Variants in CCDC3 observed in about 807,000 individuals in gnomAD.
CCDC3 encodes the protein coiled-coil domain containing 3.
Under a neutral mutation model 21.4 loss-of-function variants are expected in CCDC3, and 24 were observed. The observed-to-expected ratio is 1.12, with a 90% CI of 0.81 to 1.58. The LOEUF (loss-of-function observed/expected upper bound fraction) is 1.58, where lower values mean the gene tolerates loss of function less well. Ranked by LOEUF, CCDC3 falls within the 40% of genes most tolerant of loss-of-function variation. The probability of loss-of-function intolerance (pLI) is 0.00; values close to 1 mark genes in which losing one functional copy is unlikely to be tolerated. For missense variants in CCDC3, 425 were observed against 360.9 expected, an observed-to-expected ratio of 1.18 and a Z score of -1.44; for synonymous variants, 186 against 166.0, an observed-to-expected ratio of 1.12 and a Z score of -0.93.
upstream of CCDC3, chr10:13,001,728 C>T (rs1331591718): frequency 3.5e-5 from 14 of 395,306 alleles, no homozygotes; most frequent in Non-Finnish European, 1.4e-5. Flanking sequence ...GGCCCTGGCG[C>T]GCCACGCTTT....
intron 5 of CCDC3, among the ~76,000 whole-genome samples, chr10:13,036,675 G>A (rs1589047055): frequency 1.3e-5 from 2 of 151,656 alleles, no homozygotes; most frequent in African/African-American, 4.8e-5. Context: ...AGTAGAGATG[G>A]GGTTTCACCA....
intron 4 of CCDC3, chr10:13,073,789 A>G (rs1169723869): frequency 6.6e-6 from 1 of 152,060 alleles, no homozygotes; most frequent in East Asian, 1.9e-4. Context: ...GGCCTGCCCA[A>G]GACATTTTTT....
chr10:12,931,208 CAAAAAAAAAA>C (rs67541166), intron 2 of CCDC3, among the ~76,000 whole-genome samples: 12 of 75,054 alleles, frequency 1.6e-4, no homozygotes, highest in East Asian at 1.2e-3. Context: ...AAGACTCTGT[CAAAAAAAAAA>C]AAAAAAAAAA....
chr10:12,981,375 G>C (rs1835495062), intron 2 of CCDC3, among the ~76,000 whole-genome samples: 1 of 151,890 alleles, frequency 6.6e-6, no homozygotes, highest in Admixed American at 6.6e-5. Flanking sequence ...AGTGGAGACA[G>C]TGTTTCACCA....
At chr10:12,987,093 C>T (rs186748995) in intron 2 of CCDC3, among the ~76,000 whole-genome samples, 323 of 152,274 alleles carry the variant, frequency 2.1e-3, no homozygotes, top group African/African-American at 7.4e-3. Flanking sequence ...TGGTATGCAG[C>T]CCTGTCCTCT....
chr10:12,922,494 C>T (rs1425408410), intron 2 of CCDC3, among the ~76,000 whole-genome samples: 5 of 152,310 alleles, frequency 3.3e-5, no homozygotes, highest in Non-Finnish European at 5.9e-5. Context: ...GGGGCCACTG[C>T]TGTTAGGGTG....
At chr10:12,972,956 C>G (rs1292890927) in intron 2 of CCDC3, among the ~76,000 whole-genome samples, 1 of 152,232 alleles carries the variant, frequency 6.6e-6, no homozygotes, top group Non-Finnish European at 1.5e-5. Flanking sequence ...CCCATGGCTG[C>G]AGCTCGTGAC....
chr10:12,936,681 A>G (rs1183728120), intron 2 of CCDC3, among the ~76,000 whole-genome samples: 1 of 152,242 alleles, frequency 6.6e-6, no homozygotes, highest in African/African-American at 2.4e-5. Flanking sequence ...CTGTAATCCC[A>G]GTGCTTTGGG....
intron 2 of CCDC3, among the ~76,000 whole-genome samples, chr10:12,975,178 C>A (rs1041811151): frequency 4.0e-4 from 61 of 152,178 alleles, no homozygotes; most frequent in Admixed American, 3.9e-3. Context: ...TTCACAAGCT[C>A]TTCCCAAGAC....
At chr10:12,905,509 C>A (rs1350941641) in intron 2 of CCDC3, among the ~76,000 whole-genome samples, 4 of 152,212 alleles carry the variant, frequency 2.6e-5, no homozygotes, top group Non-Finnish European at 1.5e-5. Flanking sequence ...TTGAAAAAAA[C>A]ACCTGGTGCC....
intron 2 of CCDC3, among the ~76,000 whole-genome samples, chr10:12,997,407 GT>G (rs1835778770): frequency 6.6e-6 from 1 of 152,194 alleles, no homozygotes; most frequent in Admixed American, 6.5e-5. Flanking sequence ...TCCCAACTTG[GT>G]TGTGGCAAAG....
intron 2 of CCDC3, among the ~76,000 whole-genome samples, chr10:12,948,477 AC>A (rs1245073088): frequency 4.0e-5 from 6 of 151,878 alleles, no homozygotes; most frequent in South Asian, 4.2e-4. Context: ...GCACACACAC[AC>A]ACACACACAC....
chr10:12,921,434 G>A (rs539276037), intron 2 of CCDC3, among the ~76,000 whole-genome samples: 7 of 152,260 alleles, frequency 4.6e-5, no homozygotes, highest in Middle Eastern at 3.4e-3. Context: ...TCCCCGACTC[G>A]TCCCATTGGT....
upstream of CCDC3, among the ~76,000 whole-genome samples, chr10:13,003,744 T>A (rs183237718): frequency 6.6e-6 from 1 of 152,366 alleles, no homozygotes; most frequent in Non-Finnish European, 1.5e-5. Flanking sequence ...TAAGGCCCTC[T>A]CTTTTCTTTC....
chr10:12,919,084 C>G (rs188132807), intron 2 of CCDC3, among the ~76,000 whole-genome samples: 1 of 151,918 alleles, frequency 6.6e-6, no homozygotes, highest in African/African-American at 2.4e-5. Context: ...AAAAAGACAC[C>G]AAGTTCTAGC....
At chr10:13,019,004 C>T (rs887727811) in intron 5 of CCDC3, among the ~76,000 whole-genome samples, 24 of 151,884 alleles carry the variant, frequency 1.6e-4, no homozygotes, top group African/African-American at 4.8e-4. Flanking sequence ...GAGGCCGAGG[C>T]GGGCGGATCA....
At chr10:12,931,098 C>A (rs1241009809) in intron 2 of CCDC3, among the ~76,000 whole-genome samples, 2 of 150,960 alleles carry the variant, frequency 1.3e-5, no homozygotes. Flanking sequence ...GTAATCCCAG[C>A]TACCTGGGAG....
At chr10:12,926,139 T>A (rs1834533121) in intron 2 of CCDC3, among the ~76,000 whole-genome samples, 1 of 152,142 alleles carries the variant, frequency 6.6e-6, no homozygotes. Flanking sequence ...AACAAGTGGA[T>A]AGTCAGGAGC....
At chr10:13,022,826 G>A (rs947812138) in intron 5 of CCDC3, among the ~76,000 whole-genome samples, 18 of 152,154 alleles carry the variant, frequency 1.2e-4, no homozygotes, top group African/African-American at 3.9e-4. Context: ...AGTCTACTGT[G>A]AAAGAAATTA....
Sources: allele counts gnomAD v4.1 joint callset (sites outside exome capture counted in the v4.1 genomes callset), GRCh38; gene constraint gnomAD v4.1.1; transcripts MANE v1.5; gene names NCBI Gene and HGNC (gene_info 2026-07-23, HGNC 2026-07-21).